The following ADAMTSL1 variants were observed in gnomAD, a reference collection of about 807,000 sequenced individuals.
The protein encoded by ADAMTSL1 is ADAMTS-like protein 1.
ADAMTSL1 carries 126 observed loss-of-function variants against 201.8 expected under a neutral mutation model. That is an observed-to-expected ratio of 0.62 (90% CI 0.54 to 0.72). ADAMTSL1 has a LOEUF of 0.72. Ranked by LOEUF, ADAMTSL1 falls within the 30% of genes least tolerant of loss-of-function variation. The pLI is 0.00. For synonymous variants in ADAMTSL1, 1,121 were observed against 903.4 expected (o/e 1.24, Z -4.32); for missense variants, 2,679 against 2,277.8 (o/e 1.18, Z -3.59).
intron 2 of ADAMTSL1, among the ~76,000 whole-genome samples, chr9:18,365,815 C>T (rs1026616208): frequency 9.9e-5 from 15 of 152,160 alleles, no homozygotes; most frequent in Non-Finnish European, 1.9e-4. Flanking sequence ...GCTGGGGAGC[C>T]AGAATTACTG....
At chr9:18,536,422 G>A (rs1819777213) in intron 3 of ADAMTSL1, among the ~76,000 whole-genome samples, 1 of 147,172 alleles carries the variant, frequency 6.8e-6, no homozygotes. Context: ...ATGAGGAGTA[G>A]AAAACATCTC....
intron 15 of ADAMTSL1, among the ~76,000 whole-genome samples, chr9:18,733,907 C>A (rs1818364196): frequency 6.6e-6 from 1 of 151,722 alleles, no homozygotes; most frequent in African/African-American, 2.4e-5. Context: ...ACCACCCCCA[C>A]CCCCATTCAT....
At chr9:18,681,093 T>A (rs1406057475) in intron 11 of ADAMTSL1, 1 of 152,696 alleles carries the variant, frequency 6.5e-6, no homozygotes, top group African/African-American at 2.4e-5. Context: ...TGACTGCTAA[T>A]GCAGAAAGGA....
intron 16 of ADAMTSL1, among the ~76,000 whole-genome samples, chr9:18,753,769 G>C (rs1158988298): frequency 6.6e-6 from 1 of 152,162 alleles, no homozygotes; most frequent in African/African-American, 2.4e-5. Flanking sequence ...GCATATTTAT[G>C]ACAAAGCTGT....
At chr9:18,078,744 C>T (rs1292252071) in intron 1 of ADAMTSL1, among the ~76,000 whole-genome samples, 1 of 152,066 alleles carries the variant, frequency 6.6e-6, no homozygotes, top group East Asian at 1.9e-4. Flanking sequence ...CCTAGATTTC[C>T]AGAAGCCCAG....
intron 1 of ADAMTSL1, 95 bp downstream of exon 1, chr9:18,474,390 TG>T: frequency 8.2e-7 from 1 of 1,222,196 alleles, no homozygotes. Context: ...TGTGTGTGTG[TG>T]TCTTTATCTT....
chr9:17,957,625 C>G (rs1588476122), intron 1 of ADAMTSL1, among the ~76,000 whole-genome samples: 2 of 152,174 alleles, frequency 1.3e-5, no homozygotes, highest in South Asian at 4.1e-4. Context: ...AGCATCCCCC[C>G]AAATTCATGT....
intron 16 of ADAMTSL1, among the ~76,000 whole-genome samples, chr9:18,757,726 C>T (rs1033354154): frequency 1.3e-5 from 2 of 152,166 alleles, no homozygotes; most frequent in South Asian, 2.1e-4. Flanking sequence ...TTAACAACCA[C>T]GTTACCCACT....
intron 1 of ADAMTSL1, among the ~76,000 whole-genome samples, chr9:18,143,781 A>G (rs1452372055): frequency 6.6e-6 from 1 of 152,232 alleles, no homozygotes; most frequent in Non-Finnish European, 1.5e-5. Context: ...CAATGAATAC[A>G]TTAAACAGAC....
chr9:18,126,148 T>C (rs1348862518), intron 1 of ADAMTSL1, among the ~76,000 whole-genome samples: 1 of 152,200 alleles, frequency 6.6e-6, no homozygotes, highest in African/African-American at 2.4e-5. Context: ...TGGTAAGTAT[T>C]AAATTCTGTA....
At chr9:18,574,593 G>C (rs1172944684) in intron 4 of ADAMTSL1, 1 of 378,258 alleles carries the variant, frequency 2.6e-6, no homozygotes, top group Non-Finnish European at 4.3e-6. Flanking sequence ...GTGTGTTTGT[G>C]TTTGTGTGTG....
chr9:18,562,420 C>T (rs989488843), intron 3 of ADAMTSL1, among the ~76,000 whole-genome samples: 2 of 152,172 alleles, frequency 1.3e-5, no homozygotes, highest in African/African-American at 4.8e-5. Flanking sequence ...TTTGTCAGTA[C>T]CCGACCTTTC....
At chr9:18,893,339 G>C (rs1829411870) in intron 26 of ADAMTSL1, among the ~76,000 whole-genome samples, 1 of 151,968 alleles carries the variant, frequency 6.6e-6, no homozygotes, top group African/African-American at 2.4e-5. Context: ...GTGTCATCAA[G>C]GTCACTCAAG....
At chr9:18,053,050 A>T (rs1156769976) in intron 1 of ADAMTSL1, among the ~76,000 whole-genome samples, 1 of 152,178 alleles carries the variant, frequency 6.6e-6, no homozygotes, top group Non-Finnish European at 1.5e-5. Context: ...TGCCTTTGTA[A>T]TACTGGGTCA....
intron 1 of ADAMTSL1, among the ~76,000 whole-genome samples, chr9:17,992,337 C>T (rs898945630): frequency 6.6e-6 from 1 of 152,138 alleles, no homozygotes; most frequent in African/African-American, 2.4e-5. Context: ...TGGGTACCTC[C>T]TAGTACTTTG....
intron 13 of ADAMTSL1, among the ~76,000 whole-genome samples, chr9:18,693,596 C>G (rs1471787059): frequency 1.3e-5 from 2 of 152,222 alleles, no homozygotes; most frequent in African/African-American, 4.8e-5. Context: ...GCCTCTTTAT[C>G]TAGCCTGGTT....
At chr9:18,259,490 T>C (rs888833826) in intron 2 of ADAMTSL1, among the ~76,000 whole-genome samples, 4 of 150,024 alleles carry the variant, frequency 2.7e-5, no homozygotes, top group Non-Finnish European at 4.4e-5. Context: ...CCAGCCTGTA[T>C]GACAGAATAA....
rs1049199278 is a variant in ADAMTSL1 at position 18,841,284 on chromosome 9, A to T, written c.4249+11307A>T. ...TTTGTCAAAGGCCTTTTCTGCATCT[A>T]TTGAGATAATCATGTGGTTTTTGTC... On this transcript the variant is annotated intron_variant, in intron 23 of 28. Transcript: ENST00000380548. Among the ~76,000 whole-genome samples the T allele has an allele frequency of 4.0e-3, 613 of 152,058 alleles. 5 individuals are homozygous for T. The highest frequency in any genetic ancestry group is 0.014 in the African/African-American group (577 of 41,500).
chr9:18,529,234 G>A (rs1446012218), intron 2 of ADAMTSL1, among the ~76,000 whole-genome samples: 1 of 152,146 alleles, frequency 6.6e-6, no homozygotes, highest in African/African-American at 2.4e-5. Flanking sequence ...ATGTTCCAAT[G>A]TGTATCTACC....
Sources: gnomAD v4.1 joint callset for allele counts (sites outside exome capture counted in the v4.1 genomes callset) on GRCh38, gnomAD v4.1.1 for gene constraint, MANE v1.5 for transcripts, NCBI Gene and HGNC (gene_info 2026-07-23, HGNC 2026-07-21) for gene names.